NLK: variants seen among roughly 807,000 people sequenced by gnomAD.
NLK encodes nemo like kinase.
NLK carries 11 observed loss-of-function variants against 59.0 expected under a neutral mutation model. The ratio of observed to expected loss-of-function variants is 0.19; its 90% confidence interval spans 0.12 to 0.31. The LOEUF (loss-of-function observed/expected upper bound fraction) is 0.31, where lower values mean the gene tolerates loss of function less well. NLK is among the 10% of genes least tolerant of loss of function. The probability of loss-of-function intolerance (pLI) is 1.00; values close to 1 mark genes in which losing one functional copy is unlikely to be tolerated. For missense variants in NLK, 410 were observed against 661.1 expected (o/e 0.62, Z 4.16); for synonymous variants, 235 against 235.9 (o/e 1.00, Z 0.03).
rs1218472516 is a variant in NLK at position 28,191,063 on chromosome 17, C to T, written c.1279C>T (p.Leu427=). 1.2e-6 allele frequency: 2 copies of T among 1,611,760 alleles called. No homozygotes were observed. Among genetic ancestry groups the T allele is most frequent in the Non-Finnish European group, 1.7e-6 (2 of 1,179,268 alleles). Residue 427 remains leucine, a synonymous_variant, in exon 9 of 11, where the codon CTA becomes TTA. Coordinates refer to ENST00000407008, the MANE Select transcript of NLK (RefSeq NM_016231.5). ...SAKDALAHPY[L]DEGRLRYHTC... is the part of the protein sequence containing the mutation. ...TAAGGATGCCTTAGCCCACCCCTAC[C>T]TAGATGAAGGGCGACTACGATATCA...
intron 5 of NLK, 33 bp from the exon 6 acceptor site, chr17:28,168,415 C>G: frequency 6.9e-7 from 1 of 1,454,820 alleles, no homozygotes. Flanking sequence ...TTTGTATTTG[C>G]TTGATAATGT....
At chr17:28,141,246 G>T (rs997613165) in intron 3 of NLK, among the ~76,000 whole-genome samples, 8 of 152,098 alleles carry the variant, frequency 5.3e-5, no homozygotes, top group Non-Finnish European at 1.0e-4. Flanking sequence ...CAGACTCTTT[G>T]ATATACTTTT....
chr17:28,109,925 A>G (rs1281651203), intron 1 of NLK, among the ~76,000 whole-genome samples: 1 of 152,330 alleles, frequency 6.6e-6, no homozygotes, highest in East Asian at 1.9e-4. Flanking sequence ...TAGATGTGCC[A>G]TTGTACAGTT....
chr17:28,188,206 C>T (rs1209622491), intron 8 of NLK, among the ~76,000 whole-genome samples: 1 of 152,010 alleles, frequency 6.6e-6, no homozygotes, highest in Admixed American at 6.6e-5. Flanking sequence ...AGAGGGAAAC[C>T]CTGTCTCAAA....
intron 1 of NLK, among the ~76,000 whole-genome samples, chr17:28,055,844 A>G (rs1368521497): frequency 2.0e-5 from 3 of 152,206 alleles, no homozygotes; most frequent in African/African-American, 7.2e-5. Flanking sequence ...TGACTTCACT[A>G]GAGATTTTTT....
At chr17:28,068,461 A>C (rs1909907508) in intron 1 of NLK, among the ~76,000 whole-genome samples, 1 of 152,168 alleles carries the variant, frequency 6.6e-6, no homozygotes, top group Non-Finnish European at 1.5e-5. Context: ...ATTTGTTTTT[A>C]GGTTACTATC....
intron 1 of NLK, among the ~76,000 whole-genome samples, chr17:28,099,273 A>G (rs1904815534): frequency 6.6e-6 from 1 of 151,864 alleles, no homozygotes; most frequent in South Asian, 2.1e-4. Flanking sequence ...TAAAATTAAG[A>G]TTTTGTTTAC....
rs538292273 is a variant in NLK at position 28,103,301 on chromosome 17, A to G, written c.459-19302A>G. Among the ~76,000 whole-genome samples the G allele has an allele frequency of 2.0e-5, 3 of 152,336 alleles. No homozygotes were observed. In the East Asian group the frequency reaches 5.8e-4, roughly 29 times the overall value. ...AGCCACCATTGATATTATGCATTAC[A>G]TGCATTTTTACCATGATTTAAAATC... On this transcript the variant is annotated intron_variant, in intron 1 of 10. Transcript: ENST00000407008.
chr17:28,066,011 C>G (rs1000816330), intron 1 of NLK, among the ~76,000 whole-genome samples: 20 of 152,224 alleles, frequency 1.3e-4, no homozygotes, highest in African/African-American at 4.3e-4. Flanking sequence ...AACTGGGTAA[C>G]TTCCTGTTAC....
At chr17:28,112,753 A>G (rs562115489) in intron 1 of NLK, among the ~76,000 whole-genome samples, 11 of 152,316 alleles carry the variant, frequency 7.2e-5, no homozygotes, top group African/African-American at 2.4e-4. Flanking sequence ...TGTGCTTCAC[A>G]ACGGAAGAAG....
At chr17:28,188,682 G>A (rs574698284) in intron 8 of NLK, among the ~76,000 whole-genome samples, 23 of 152,112 alleles carry the variant, frequency 1.5e-4, no homozygotes, top group African/African-American at 2.9e-4. Context: ...GGATTTCACC[G>A]TGTTGACAAA....
intron 10 of NLK, among the ~76,000 whole-genome samples, chr17:28,192,589 A>G (rs1040747747): frequency 1.1e-4 from 17 of 151,370 alleles, no homozygotes; most frequent in Admixed American, 1.1e-3. Flanking sequence ...AATCACTTGA[A>G]CCCGGGAGGC....
intron 7 of NLK, among the ~76,000 whole-genome samples, chr17:28,174,670 G>A (rs1198850477): frequency 6.6e-6 from 1 of 152,164 alleles, no homozygotes; most frequent in East Asian, 1.9e-4. Context: ...AATAAACCTA[G>A]CATATTGCCT....
intron 1 of NLK, among the ~76,000 whole-genome samples, chr17:28,074,521 A>G (rs1345086692): frequency 6.6e-6 from 1 of 152,066 alleles, no homozygotes; most frequent in Non-Finnish European, 1.5e-5. Context: ...GGGGTTGAGG[A>G]GGTTGTTTTT....
chr17:28,092,672 C>T (rs903961970), intron 1 of NLK, among the ~76,000 whole-genome samples: 6 of 151,982 alleles, frequency 3.9e-5, no homozygotes, highest in African/African-American at 1.4e-4. Flanking sequence ...GTAACAAGTT[C>T]GGGGAGATAA....
At chr17:28,111,896 G>GTGTGGTGTGTGT (rs1394476582) in intron 1 of NLK, among the ~76,000 whole-genome samples, 18 of 67,542 alleles carry the variant, frequency 2.7e-4, no homozygotes, top group South Asian at 6.1e-4. Context: ...GTGTGTGTGT[G>GTGTGGTGTGTGT]GTGTGTGTGT....
At chr17:28,103,168 T>A (rs989205672) in intron 1 of NLK, among the ~76,000 whole-genome samples, 2 of 151,766 alleles carry the variant, frequency 1.3e-5, no homozygotes, top group Admixed American at 6.6e-5. Flanking sequence ...TATATGTGAT[T>A]CCTAGTCTGT....
At chr17:28,094,195 G>A (rs777135114) in intron 1 of NLK, among the ~76,000 whole-genome samples, 4 of 152,124 alleles carry the variant, frequency 2.6e-5, no homozygotes, top group Admixed American at 6.5e-5. Context: ...TCTTCAGAAC[G>A]TCCTAGAATT....
chr17:28,095,141 AG>A (rs1292717653), intron 1 of NLK, among the ~76,000 whole-genome samples: 1 of 152,202 alleles, frequency 6.6e-6, no homozygotes, highest in Non-Finnish European at 1.5e-5. Flanking sequence ...GTGCTAGAAA[AG>A]GATTGTCCTC....
Sources: gnomAD v4.1 joint callset for allele counts (sites outside exome capture counted in the v4.1 genomes callset) on GRCh38, gnomAD v4.1.1 for gene constraint, MANE v1.5 for transcripts, NCBI Gene and HGNC (gene_info 2026-07-23, HGNC 2026-07-21) for gene names.